The following MYLK4 variants were observed in gnomAD, a reference collection of about 807,000 sequenced individuals.
The protein encoded by MYLK4 is myosin light chain kinase family member 4.
MYLK4 carries 46 observed loss-of-function variants against 48.1 expected under a neutral mutation model. The ratio of observed to expected loss-of-function variants is 0.96; its 90% CI spans 0.75 to 1.22. The LOEUF is 1.22. Ranked by LOEUF, MYLK4 falls within the 50% of genes most tolerant of loss-of-function variation. MYLK4 has a pLI of 0.00. For missense variants in MYLK4, 451 were observed against 486.1 expected (o/e 0.93, Z 0.68); for synonymous variants, 170 against 180.8 (o/e 0.94, Z 0.48).
intron 12 of MYLK4, among the ~76,000 whole-genome samples, chr6:2,669,297 A>G (rs1760787011): frequency 6.6e-6 from 1 of 152,188 alleles, no homozygotes; most frequent in African/African-American, 2.4e-5. Flanking sequence ...TGGCCAGCCC[A>G]AATGCTGCTG....
chr6:2,725,953 C>G lies in MYLK4; in HGVS notation c.159+23183G>C, dbSNP rs151327327. Among the ~76,000 whole-genome samples, 153 of 152,310 alleles carry G rather than the reference C, an allele frequency of 1.0e-3. 1 individual carries two copies. The East Asian group carries it at 0.025, about 25-fold the overall frequency. On this transcript the variant is annotated intron_variant, in intron 2 of 12. Transcript: ENST00000274643. ...TTTCATAAGGCGCTCTAGCACGGAA[C>G]AAGCTCAGTGTTTGGAAGGTCTGTT...
Position 2,710,176 on chromosome 6 carries a change from C to T in MYLK4, c.160-17317G>A, listed in dbSNP as rs369503856. 1.8e-3 allele frequency among the ~76,000 whole-genome samples: 273 copies of T among 152,194 alleles called. 1 individual carries two copies. The highest frequency in any genetic ancestry group is 6.2e-3 in the African/African-American group (257 of 41,518). ...GTAAGTTTTCTGACATTGAATGCTG[C>T]TTCCGGTTTTCAATGATGCCTCACT... On this transcript the variant is annotated intron_variant, in intron 2 of 12. Coordinates refer to ENST00000274643, the MANE Select transcript of MYLK4 (RefSeq NM_001012418.5).
chr6:2,766,077 C>T, the MYLK4 span: 5 of 1,296,742 alleles, frequency 3.9e-6, no homozygotes, highest in Non-Finnish European at 4.9e-6. Flanking sequence ...GCGGGGAGCG[C>T]GTCTCCGCGC....
chr6:2,745,139 C>T (rs564391698), intron 2 of MYLK4, among the ~76,000 whole-genome samples: 38 of 152,162 alleles, frequency 2.5e-4, no homozygotes, highest in Middle Eastern at 3.4e-3. Context: ...GTGAGAAGCA[C>T]GCAGGGCCGA....
chr6:2,690,729 C>T (rs1174026677), intron 3 of MYLK4, among the ~76,000 whole-genome samples: 3 of 151,346 alleles, frequency 2.0e-5, no homozygotes, highest in Non-Finnish European at 4.4e-5. Context: ...TTTATGAATA[C>T]CTAACTAATT....
At position 2,679,335 on chromosome 6, in the gene MYLK4, C is replaced by A; in HGVS notation, c.832G>T (p.Asp278Tyr). 6.2e-7 allele frequency: 1 copy of A among 1,614,172 alleles called. No individual in the cohort carries two copies. The highest frequency in any genetic ancestry group is 1.6e-4 in the Middle Eastern group (1 of 6,062). The change falls in exon 9 of 13, where the codon GAT becomes TAT. Residue 278 changes from aspartate (D) to tyrosine (Y), a missense_variant. Coordinates refer to ENST00000274643, the MANE Select transcript of MYLK4 (RefSeq NM_001012418.5). ...EFLAPEVVNY[D>Y]FVSFPTDMWS... ...ATGTCAGTGGGAAATGAAACAAAATCATAGTTCACAACTTCAGGGGCGAGA... is the reference window on the plus strand; with the variant it reads ...ATGTCAGTGGGAAATGAAACAAAATAATAGTTCACAACTTCAGGGGCGAGA...
At chr6:2,753,264 C>G (rs139025272), upstream of MYLK4, among the ~76,000 whole-genome samples, 27 of 152,198 alleles carry the variant, frequency 1.8e-4, no homozygotes, top group African/African-American at 6.3e-4. Context: ...GAAACATCGT[C>G]GACAGCTCTT....
chr6:2,694,530 GTAGTAGTGTTGGTTGTGGTGGTAGT>G (rs1761964230), intron 2 of MYLK4, among the ~76,000 whole-genome samples: 3 of 99,494 alleles, frequency 3.0e-5, no homozygotes, highest in Admixed American at 2.0e-4. Flanking sequence ...GGTGGTGGTG[GTAGTAGTGTTGGTTGTGGTGGTAGT>G]CGTGGTGGTA....
At chr6:2,767,454 T>G in the MYLK4 span, among the ~76,000 whole-genome samples, 1 of 152,260 alleles carries the variant, frequency 6.6e-6, no homozygotes, top group Non-Finnish European at 1.5e-5. Context: ...TCCCACAACT[T>G]AAGCACACCC....
At position 2,707,374 on chromosome 6, in the gene MYLK4, A is replaced by G. The variant is rs1044761285; in HGVS notation, c.160-14515T>C. Among the ~76,000 whole-genome samples the G allele has an allele frequency of 2.0e-5, 3 of 152,170 alleles. No homozygotes were observed. In the East Asian group the frequency reaches 5.8e-4, roughly 29 times the overall value. On this transcript the variant is annotated intron_variant, in intron 2 of 12. Transcript: ENST00000274643. ...CTGTAAAATTTTTCATTTTGATTTA[A>G]TTCAGTTATACAGCAATATATTTTC...
At chr6:2,690,330 C>T (rs1761729317) in intron 3 of MYLK4, among the ~76,000 whole-genome samples, 1 of 152,140 alleles carries the variant, frequency 6.6e-6, no homozygotes, top group Non-Finnish European at 1.5e-5. Context: ...CTCTGCCACT[C>T]CACGCTTACT....
intron 7 of MYLK4, among the ~76,000 whole-genome samples, chr6:2,681,469 T>C (rs1761298354): frequency 6.6e-6 from 1 of 152,220 alleles, no homozygotes; most frequent in East Asian, 1.9e-4. Flanking sequence ...GGATCATGTA[T>C]AAAGCTGTCC....
At chr6:2,739,862 TA>T (rs1489218729) in intron 2 of MYLK4, among the ~76,000 whole-genome samples, 1 of 152,182 alleles carries the variant, frequency 6.6e-6, no homozygotes, top group African/African-American at 2.4e-5. Flanking sequence ...CATGGTACTT[TA>T]TTTGGCCCTA....
At chr6:2,702,192 C>A (rs1211315901) in intron 2 of MYLK4, among the ~76,000 whole-genome samples, 4 of 152,180 alleles carry the variant, frequency 2.6e-5, no homozygotes, top group Non-Finnish European at 4.4e-5. Context: ...GTGCCTGGAA[C>A]TTTCCACTAA....
At position 2,685,770 on chromosome 6, in the gene MYLK4, T is replaced by C. The variant is rs970227959; in HGVS notation, c.342-194A>G. On this transcript the variant is annotated intron_variant, in intron 4 of 12. Transcript: ENST00000274643. This position sits in a 1 kb window ranked among gnomAD's most constrained non-coding sequence, Gnocchi z 4.5. ...ACTTGCATCAGAATCACCTGGGAGC[T>C]GTTAAGAAAGCAGGTCTCGGCCGGG... 1.3e-5 allele frequency among the ~76,000 whole-genome samples: 2 copies of C among 151,926 alleles called. No homozygotes were observed. Among genetic ancestry groups the C allele is most frequent in the Admixed American group, 6.6e-5 (1 of 15,258 alleles).
At chr6:2,702,350 G>T (rs1762316875) in intron 2 of MYLK4, among the ~76,000 whole-genome samples, 1 of 152,156 alleles carries the variant, frequency 6.6e-6, no homozygotes, top group Non-Finnish European at 1.5e-5. Flanking sequence ...AGGCAGTCAG[G>T]ATTAATGCAA....
chr6:2,718,647 G>A (rs891721737), intron 2 of MYLK4, among the ~76,000 whole-genome samples: 8 of 152,134 alleles, frequency 5.3e-5, no homozygotes, highest in South Asian at 2.1e-4. Context: ...TGTGAGGGCC[G>A]ATATCTTTAT....
At chr6:2,748,656 C>T (rs748008754) in intron 2 of MYLK4, among the ~76,000 whole-genome samples, 14 of 152,214 alleles carry the variant, frequency 9.2e-5, no homozygotes, top group African/African-American at 2.2e-4. Flanking sequence ...TCAGAACTCT[C>T]GTTCTGCACA....
chr6:2,716,021 A>AT (rs34093622), intron 2 of MYLK4, among the ~76,000 whole-genome samples: 14,791 of 151,880 alleles, frequency 0.097, 769 homozygotes, highest in Non-Finnish European at 0.11. Flanking sequence ...TCTGCTGCCT[A>AT]TTTTTTTTTT....
Sources: gnomAD v4.1 joint callset for allele counts (sites outside exome capture counted in the v4.1 genomes callset) on GRCh38, gnomAD v4.1.1 for gene constraint, Gnocchi (gnomAD v3.1) non-coding constraint, MANE v1.5 for transcripts, NCBI Gene and HGNC (gene_info 2026-07-23, HGNC 2026-07-21) for gene names.